Variants in FAM171A2 observed in about 807,000 individuals in gnomAD.
The protein encoded by FAM171A2 is family with sequence similarity 171 member A2, also known as protein FAM171A2.
A neutral mutation model predicts 34.2 loss-of-function variants in FAM171A2; 13 were observed. The observed-to-expected ratio is 0.38, with a 90% CI of 0.25 to 0.60. The LOEUF (loss-of-function observed/expected upper bound fraction) is 0.60. Ranked by LOEUF, FAM171A2 falls within the 20% of genes least tolerant of loss-of-function variation. The probability of loss-of-function intolerance (pLI) is 0.62; values close to 1 mark genes in which losing one functional copy is unlikely to be tolerated. For missense variants in FAM171A2, 950 were observed against 1,180.7 expected (o/e 0.80, Z 2.86); for synonymous variants, 475 against 561.2 (o/e 0.85, Z 2.17).
At chr17:44,359,098 C>T (rs1243133737) in intron 3 of FAM171A2, 3 of 159,992 alleles carry the variant, frequency 1.9e-5, no homozygotes, top group Admixed American at 1.2e-4. Context: ...AGCGGGTCTT[C>T]TTCCTCACCG....
Position 44,354,544 on chromosome 17 carries a change from C to T in FAM171A2, c.1670G>A (p.Gly557Asp), listed in dbSNP as rs1405214712. 10 of 1,188,588 alleles carry T rather than the reference C, an allele frequency of 8.4e-6. No individual in the cohort carries two copies. The East Asian group carries it at 3.2e-4, about 38-fold the overall frequency. The allele number at this position is 1,188,588 out of a possible 1,614,324, so 73.6% of individuals were successfully genotyped here. ...CGGCGGGGCCGGCTCGTCGCCCACG[C>T]CGGCGGCGCCCGCCTCGCCGCCGAG... ...VRLGGEAGAA[G>D]VGDEPAPPEG... Residue 557 changes from glycine (G) to aspartate (D), a missense_variant, in exon 8 of 8, where the codon GGC becomes GAC. Coordinates refer to ENST00000293443, the MANE Select transcript of FAM171A2 (RefSeq NM_198475.3). The surrounding 1 kb of genome is among the most constrained non-coding windows in gnomAD (Gnocchi z 5.8).
rs2048410535 is a variant in FAM171A2, at chr17:44,354,509, C to T, written c.1705G>A (p.Ala569Thr). The part of the protein sequence containing the change: ...GDEPAPPEGT[A>T]PGPARAFPQP... ...GGAAAAGCGCGCGCCGGGCCGGGTGCCGTGCCCTCCGGCGGGGCCGGCTCG... is the reference window on the plus strand; with the variant it reads ...GGAAAAGCGCGCGCCGGGCCGGGTGTCGTGCCCTCCGGCGGGGCCGGCTCG... Residue 569 changes from alanine to threonine, a missense_variant, in exon 8 of 8, where the codon GCA becomes ACA. Around this residue, in one of 3 missense-constraint regions of FAM171A2, gnomAD observed 752 missense variants for 924.5 expected, o/e 0.81. Transcript: ENST00000293443. This position sits in a 1 kb window ranked among gnomAD's most constrained non-coding sequence, Gnocchi z 5.8. 7 of 1,116,562 alleles carry T rather than the reference C, an allele frequency of 6.3e-6. No individual in the cohort carries two copies. In the East Asian group the frequency reaches 2.5e-4, roughly 39 times the overall value. The allele number at this position is 1,116,562 out of a possible 1,614,324, so 69.2% of individuals were successfully genotyped here.
In FAM171A2 at chr17:44,354,770, C is replaced by A; in HGVS notation, c.1444G>T (p.Asp482Tyr). Residue 482 changes from aspartate (D) to tyrosine (Y), a missense_variant, in exon 8 of 8, where the codon GAC (aspartate) becomes TAC (tyrosine). Coordinates refer to ENST00000293443, the MANE Select transcript of FAM171A2 (RefSeq NM_198475.3). The surrounding 1 kb of genome is among the most constrained non-coding windows in gnomAD (Gnocchi z 5.8). Reference sequence around the variant, plus strand: ...GCCCCCTTGTGGCCCAGGTAGTGGTCGAAGGGCGGCGGCGGCGAGGGCGGC... The same window carrying A: ...GCCCCCTTGTGGCCCAGGTAGTGGTAGAAGGGCGGCGGCGGCGAGGGCGGC... ...HEPPSPPPPF[D>Y]HYLGHKGAAE... 7.7e-7 allele frequency: 1 copy of A among 1,302,094 alleles called. No homozygotes were observed. The highest frequency in any genetic ancestry group is 2.1e-5 in the South Asian group (1 of 47,766). The allele number at this position is 1,302,094 out of a possible 1,614,324, so 80.7% of individuals were successfully genotyped here.
In FAM171A2 at chr17:44,353,971, G is replaced by C; in HGVS notation, c.2243C>G (p.Ser748Trp). The C allele has an allele frequency of 7.7e-7, 1 of 1,292,188 alleles. No homozygotes were observed. The highest frequency in any genetic ancestry group is 9.8e-7 in the Non-Finnish European group (1 of 1,023,928). The allele number at this position is 1,292,188 out of a possible 1,614,324, so 80.0% of individuals were successfully genotyped here. A position where few individuals can be genotyped will look rare whatever the true frequency, so the allele number is the denominator to read the frequency against. ...CACCTCGTCCAGCAGCGGCGTCAGC[G>C]AGTTGTCCTCCGGAGAGCAGAGGCC... is the stretch of plus-strand genomic sequence containing the variant. ...RTGLCSPEDN[S>W]LTPLLDEVAA... Residue 748 changes from serine to tryptophan, a missense_variant, in exon 8 of 8, where the codon TCG becomes TGG. By Grantham distance (177) the Ser-to-Trp change is radical (BLOSUM62 -3). This residue lies in a region of FAM171A2 where 191 missense variants were observed against 222.8 expected (regional missense o/e 0.86). Transcript: ENST00000293443.
In FAM171A2 at chr17:44,359,609, C is replaced by T. The variant is rs1219709374; in HGVS notation, c.409G>A (p.Asp137Asn). 6.4e-7 allele frequency: 1 copy of T among 1,551,176 alleles called. No individual in the cohort carries two copies. The highest frequency in any genetic ancestry group is 2.0e-5 in the Admixed American group (1 of 50,976). The change falls in exon 3 of 8, where the codon GAC (aspartate) becomes AAC (asparagine). Residue 137 changes from aspartate to asparagine, a missense_variant. Around this residue, in one of 3 missense-constraint regions of FAM171A2, gnomAD observed 752 missense variants for 924.5 expected, o/e 0.81. Coordinates refer to ENST00000293443, the MANE Select transcript of FAM171A2 (RefSeq NM_198475.3). ...GAGCCTAGGAGAATGTGCACCAGGT[C>T]CTCATAGAGGATGAGCGTGGCCGGC... ...ERPATLILYEDLVHILLGSPG... is the reference protein window; with the variant it reads ...ERPATLILYENLVHILLGSPG...
At chr17:44,359,543 G>A (rs2048439101) in intron 3 of FAM171A2, 36 bp downstream of exon 3, 1 of 1,526,508 alleles carries the variant, frequency 6.6e-7, no homozygotes, top group South Asian at 1.2e-5. Context: ...GTCAGGGGAA[G>A]GAAGAAGAGT....
In FAM171A2 at chr17:44,355,254, C is replaced by G; in HGVS notation, c.1023-63G>C. On this transcript the variant is annotated intron_variant, in intron 7 of 7. Coordinates refer to ENST00000293443, the MANE Select transcript of FAM171A2 (RefSeq NM_198475.3). The surrounding 1 kb of genome is among the most constrained non-coding windows in gnomAD (Gnocchi z 4.1). ...GGTGAGGGCCAAAGTAGGCCCCGAA[C>G]CCCCTTAGATGCAAGACAAGAGACG... 2.0e-6 allele frequency: 3 copies of G among 1,530,392 alleles called. No individual in the cohort carries two copies. Among genetic ancestry groups the G allele is most frequent in the Non-Finnish European group, 2.6e-6 (3 of 1,140,064 alleles). 94.8% of individuals were successfully genotyped at this position (1,530,392 alleles called of 1,614,324 possible). A position where few individuals can be genotyped will look rare whatever the true frequency, so the allele number is the denominator to read the frequency against.
chr17:44,360,187 G>A (rs1365536726), intron 1 of FAM171A2, 55 bp from the exon 2 acceptor site: 5 of 1,407,458 alleles, frequency 3.6e-6, no homozygotes, highest in Non-Finnish European at 3.9e-6. Flanking sequence ...AAAGAGAACT[G>A]GGGGGAGCCC....
chr17:44,353,535 T>A lies in FAM171A2; in HGVS notation c.*198A>T. On this transcript the variant is annotated 3_prime_UTR_variant, in exon 8 of 8. Transcript: ENST00000293443. ...TCCCCGTGGGGGTCTGGACCCCCCC[T>A]CCTCCCCGGCTTGGAGGCAGACACA... 2 of 255,390 alleles carry A rather than the reference T, an allele frequency of 7.8e-6. No homozygotes were observed. Among genetic ancestry groups the A allele is most frequent in the African/African-American group, 2.7e-5 (1 of 36,406 alleles). The allele number at this position is 255,390 out of a possible 1,614,324, so 15.8% of individuals were successfully genotyped here.
In FAM171A2 at chr17:44,354,136, T is replaced by G; in HGVS notation, c.2078A>C (p.His693Pro). 8.4e-7 allele frequency: 1 copy of G among 1,185,044 alleles called. No homozygotes were observed. Among genetic ancestry groups the G allele is most frequent in the Non-Finnish European group, 1.0e-6 (1 of 954,392 alleles). The allele number at this position is 1,185,044 out of a possible 1,614,324, so 73.4% of individuals were successfully genotyped here. A position where few individuals can be genotyped will look rare whatever the true frequency, so the allele number is the denominator to read the frequency against. ...DASLDSGVDV[H>P]EARPARRRPA... ...CCGGCGGCGCGCGGGCCGCGCCTCGTGGACATCTACGCCCGAGTCCAGGCT... is the reference window on the plus strand; with the variant it reads ...CCGGCGGCGCGCGGGCCGCGCCTCGGGGACATCTACGCCCGAGTCCAGGCT... The change falls in exon 8 of 8, where the codon CAC (histidine) becomes CCC (proline). Residue 693 changes from histidine to proline, a missense_variant. By Grantham distance (77) the His-to-Pro change is moderately conservative. Coordinates refer to ENST00000293443, the MANE Select transcript of FAM171A2 (RefSeq NM_198475.3). The surrounding 1 kb of genome is among the most constrained non-coding windows in gnomAD (Gnocchi z 5.8).
chr17:44,355,333 GGAGCCGCC>G lies in FAM171A2; in HGVS notation c.1023-150_1023-143del. 7.2e-7 allele frequency: 1 copy of G among 1,392,730 alleles called. No homozygotes were observed. The highest frequency in any genetic ancestry group is 9.5e-7 in the Non-Finnish European group (1 of 1,055,690). 86.3% of individuals were successfully genotyped at this position (1,392,730 alleles called of 1,614,324 possible). A position where few individuals can be genotyped will look rare whatever the true frequency, so the allele number is the denominator to read the frequency against. On this transcript the variant is annotated intron_variant, in intron 7 of 7. Transcript: ENST00000293443. This position sits in a 1 kb window ranked among gnomAD's most constrained non-coding sequence, Gnocchi z 4.1. ...CTGGGGCGCTCAGGAGAGATGGCGG[GGAGCCGCC>G]GTGTCCGTTTGGCGATCCCCTCAGG...
At chr17:44,362,020 CAG>C (rs962780710) in intron 1 of FAM171A2, among the ~76,000 whole-genome samples, 15 of 139,194 alleles carry the variant, frequency 1.1e-4, no homozygotes, top group Non-Finnish European at 2.1e-4. Flanking sequence ...GTTCAAGAGT[CAG>C]AGTTTCAGAA....
chr17:44,363,781 AG>A lies in FAM171A2; in HGVS notation c.-68del. 1.4e-6 allele frequency: 1 copy of A among 737,868 alleles called. No individual in the cohort carries two copies. Among genetic ancestry groups the A allele is most frequent in the Non-Finnish European group, 1.8e-6 (1 of 553,516 alleles). 45.7% of individuals were successfully genotyped at this position (737,868 alleles called of 1,614,324 possible). On this transcript the variant is annotated 5_prime_UTR_variant, in exon 1 of 8. Coordinates refer to ENST00000293443, the MANE Select transcript of FAM171A2 (RefSeq NM_198475.3). ...TGGTCCCGCTCGCCCGGCCCCGCGC[AG>A]CCCCAGCTCTGCGCCGCGCCTCGCA...
Position 44,354,098 on chromosome 17 carries a change from C to T in FAM171A2, c.2116G>A (p.Glu706Lys). The change falls in exon 8 of 8, where the codon GAG becomes AAG. Residue 706 changes from glutamate (E) to lysine (K), a missense_variant. By Grantham distance (56) the Glu-to-Lys change is moderately conservative. Around this residue, in one of 3 missense-constraint regions of FAM171A2, gnomAD observed 191 missense variants for 222.8 expected, o/e 0.86. Transcript: ENST00000293443. This position sits in a 1 kb window ranked among gnomAD's most constrained non-coding sequence, Gnocchi z 5.8. Reference protein sequence around the residue: ...RPARRRPAREERERAPPAAPP... With the variant: ...RPARRRPAREKRERAPPAAPP... Reference sequence around the variant, plus strand: ...GCGGCAGGCGGGGCGCGCTCCCGCTCCTCCCTCGCGGGCCGGCGGCGCGCG... The same window carrying T: ...GCGGCAGGCGGGGCGCGCTCCCGCTTCTCCCTCGCGGGCCGGCGGCGCGCG... 1 of 1,119,746 alleles carries T rather than the reference C, an allele frequency of 8.9e-7. No individual in the cohort carries two copies. The highest frequency in any genetic ancestry group is 1.1e-6 in the Non-Finnish European group (1 of 916,040). 69.4% of individuals were successfully genotyped at this position (1,119,746 alleles called of 1,614,324 possible).
At position 44,353,583 on chromosome 17, in the gene FAM171A2, C is replaced by T. The variant is rs1413499087; in HGVS notation, c.*150G>A. 1.9e-6 allele frequency: 1 copy of T among 539,296 alleles called. No individual in the cohort carries two copies. The highest frequency in any genetic ancestry group is 4.9e-5 in the Admixed American group (1 of 20,242). 33.4% of individuals were successfully genotyped at this position (539,296 alleles called of 1,614,324 possible). A position where few individuals can be genotyped will look rare whatever the true frequency, so the allele number is the denominator to read the frequency against. On this transcript the variant is annotated 3_prime_UTR_variant, in exon 8 of 8. Transcript: ENST00000293443. Reference sequence around the variant, plus strand: ...ACAGGGTCCCTTGCAAGACACGACCCAGCACCAACCACGGAACAGCTCCAA... The same window carrying T: ...ACAGGGTCCCTTGCAAGACACGACCTAGCACCAACCACGGAACAGCTCCAA...
chr17:44,362,005 C>G (rs2048449751), intron 1 of FAM171A2, among the ~76,000 whole-genome samples: 1 of 142,302 alleles, frequency 7.0e-6, no homozygotes, highest in Admixed American at 7.6e-5. Flanking sequence ...GAGGGAATGC[C>G]TTGGGTTCAA....
chr17:44,353,712 G>A lies in FAM171A2; in HGVS notation c.*21C>T, dbSNP rs1384949740. On this transcript the variant is annotated 3_prime_UTR_variant, in exon 8 of 8. Transcript: ENST00000293443. ...GGTGCGGGCCCGCGCGGGAGGGGCG[G>A]TGCCAGGCCCTGCGCGGGCGCTACT... is the stretch of plus-strand genomic sequence containing the variant. 3.7e-6 allele frequency: 5 copies of A among 1,352,526 alleles called. No homozygotes were observed. Among genetic ancestry groups the A allele is most frequent in the Non-Finnish European group, 3.8e-6 (4 of 1,049,296 alleles). The allele number at this position is 1,352,526 out of a possible 1,614,324, so 83.8% of individuals were successfully genotyped here. A position where few individuals can be genotyped will look rare whatever the true frequency, so the allele number is the denominator to read the frequency against.
intron 1 of FAM171A2, 86 bp downstream of exon 1, chr17:44,363,511 G>T (rs1337243225): frequency 5.3e-6 from 3 of 561,242 alleles, no homozygotes; most frequent in Non-Finnish European, 7.9e-6. Flanking sequence ...CTCAATTCAC[G>T]AACGCCGCGA....
chr17:44,362,244 T>C (rs2143388417), intron 1 of FAM171A2, among the ~76,000 whole-genome samples: 1 of 152,156 alleles, frequency 6.6e-6, no homozygotes, highest in African/African-American at 2.4e-5. Flanking sequence ...GTGCAGGGAC[T>C]TGAGGGGAGG....
Sources: allele counts gnomAD v4.1 joint callset (sites outside exome capture counted in the v4.1 genomes callset), GRCh38; gene constraint gnomAD v4.1.1; regional missense constraint gnomAD v4.1.1; non-coding constraint Gnocchi (gnomAD v3.1); transcripts MANE v1.5; gene names NCBI Gene and HGNC (gene_info 2026-07-23, HGNC 2026-07-21).